Variants in AKAP9 observed in about 807,000 individuals in gnomAD.
AKAP9 encodes A-kinase anchoring protein 9, also known as A-kinase anchor protein 9.
Under a neutral mutation model 488.5 loss-of-function variants are expected in AKAP9, and 311 were observed. The observed-to-expected ratio is 0.64, with a 90% CI of 0.58 to 0.70. The LOEUF (loss-of-function observed/expected upper bound fraction) is 0.70. Among genes scored for constraint, AKAP9 ranks in the 30% least tolerant of loss-of-function variants. The pLI, the probability that AKAP9 is intolerant of heterozygous loss-of-function variation, is 0.00. For missense variants in AKAP9, 4,215 were observed against 4,374.5 expected, an observed-to-expected ratio of 0.96 and a Z score of 1.03; for synonymous variants, 1,462 against 1,483.5, an observed-to-expected ratio of 0.99 and a Z score of 0.33.
chr7:92,012,775 CT>C, intron 9 of AKAP9, 133 bp downstream of exon 9: 1 of 711,346 alleles, frequency 1.4e-6, no homozygotes, highest in South Asian at 1.8e-5. Context: ...GATATAATCA[CT>C]AGACATTCAT....
intron 39 of AKAP9, among the ~76,000 whole-genome samples, chr7:92,094,228 C>T (rs554081399): frequency 5.9e-5 from 9 of 152,094 alleles, no homozygotes; most frequent in African/African-American, 1.9e-4. Flanking sequence ...AGTAATTGTA[C>T]TACTAGAAAC....
chr7:91,979,179 G>A (rs1584679034), intron 2 of AKAP9, among the ~76,000 whole-genome samples: 1 of 152,102 alleles, frequency 6.6e-6, no homozygotes, highest in East Asian at 1.9e-4. Context: ...TTTTCATGCT[G>A]CTGATACAGA....
At chr7:91,974,161 A>G (rs1389354840) in intron 2 of AKAP9, among the ~76,000 whole-genome samples, 193 bp downstream of exon 2, 1 of 152,216 alleles carries the variant, frequency 6.6e-6, no homozygotes. Flanking sequence ...GTTTAATTTA[A>G]TATATGTTGA....
At chr7:92,053,000 C>A in intron 22 of AKAP9, 42 bp downstream of exon 22, 2 of 1,465,948 alleles carry the variant, frequency 1.4e-6, no homozygotes, top group Non-Finnish European at 1.9e-6. Context: ...GTTTGAAGTA[C>A]AATATACTAT....
chr7:91,961,798 C>T (rs955435505), intron 1 of AKAP9, among the ~76,000 whole-genome samples: 16 of 151,594 alleles, frequency 1.1e-4, no homozygotes, highest in Non-Finnish European at 1.9e-4. Context: ...GAGCTGAGAT[C>T]GCGCCACTGC....
chr7:91,982,035 A>C (rs1348292747), intron 3 of AKAP9, among the ~76,000 whole-genome samples: 6 of 152,180 alleles, frequency 3.9e-5, no homozygotes, highest in East Asian at 3.8e-4. Context: ...TTAATATGCT[A>C]GTGGCTGTAG....
At chr7:91,967,261 A>C (rs1246119622) in intron 1 of AKAP9, among the ~76,000 whole-genome samples, 1 of 152,168 alleles carries the variant, frequency 6.6e-6, no homozygotes, top group Non-Finnish European at 1.5e-5. Flanking sequence ...ATTGTATGCA[A>C]ATAAGGCTAA....
intron 3 of AKAP9, 70 bp from the exon 4 acceptor site, chr7:91,992,088 A>G: frequency 2.4e-6 from 3 of 1,276,384 alleles, no homozygotes; most frequent in South Asian, 2.4e-5. Flanking sequence ...AATACAGTTA[A>G]CAGAAATATT....
intron 1 of AKAP9, among the ~76,000 whole-genome samples, chr7:91,958,109 C>T (rs1327541978): frequency 1.3e-5 from 2 of 152,182 alleles, no homozygotes; most frequent in African/African-American, 2.4e-5. Flanking sequence ...CATAAATGAT[C>T]TCTGACAGAT....
Position 92,001,024 on chromosome 7 carries a change from G to T in AKAP9, c.1107G>T (p.Lys369Asn). 6.4e-7 allele frequency: 1 copy of T among 1,574,414 alleles called. No homozygotes were observed. Among genetic ancestry groups the T allele is most frequent in the Non-Finnish European group, 8.6e-7 (1 of 1,161,348 alleles). The change falls in exon 8 of 50, where the codon AAG becomes AAT. Residue 369 changes from lysine (K) to asparagine (N), a missense_variant. Lys to Asn is a moderately conservative substitution (Grantham distance 94). This residue lies in a region of AKAP9 where 2,361 missense variants were observed against 2,430.0 expected (regional missense o/e 0.97). Transcript: ENST00000356239. ...AATTACAAGAACAGATTGTGCAAAA[G>T]AACCAAGAAATAAAAAACATGAAAT... ...LGELQEQIVQ[K>N]NQEIKNMKLE...
At chr7:92,086,478 A>G (rs1261154081) in intron 37 of AKAP9, 62 bp downstream of exon 37, 17 of 1,369,770 alleles carry the variant, frequency 1.2e-5, no homozygotes, top group Non-Finnish European at 1.7e-5. Context: ...TATTGATTTT[A>G]GAGTCTTAAT....
rs1470559616 is a variant in AKAP9, at chr7:91,942,251, G to T, written c.48+1104G>T. ...ACCAGGTTAGTGATTTATTATCAAT[G>T]AAGGGCCATACCGCAGAGATGCAGT... On this transcript the variant is annotated intron_variant, in intron 1 of 49. Coordinates refer to ENST00000356239, the MANE Select transcript of AKAP9 (RefSeq NM_005751.5). Among the ~76,000 whole-genome samples the T allele has an allele frequency of 2.0e-5, 3 of 152,076 alleles. No individual in the cohort carries two copies. In the South Asian group the frequency reaches 6.2e-4, roughly 32 times the overall value.
At chr7:92,045,830 CTT>C (rs35346628) in intron 21 of AKAP9, among the ~76,000 whole-genome samples, 7 of 108,910 alleles carry the variant, frequency 6.4e-5, no homozygotes, top group Non-Finnish European at 9.4e-5. Flanking sequence ...CTTTCCGTTT[CTT>C]TTTTTTTTTT....
At chr7:92,020,659 A>G (rs1802197626) in intron 12 of AKAP9, among the ~76,000 whole-genome samples, 1 of 152,192 alleles carries the variant, frequency 6.6e-6, no homozygotes, top group Non-Finnish European at 1.5e-5. Flanking sequence ...GAATAAGAGA[A>G]TCTTCTGTTT....
At chr7:92,086,647 C>G (rs896363848) in intron 37 of AKAP9, among the ~76,000 whole-genome samples, 2 of 152,142 alleles carry the variant, frequency 1.3e-5, no homozygotes, top group African/African-American at 2.4e-5. Context: ...ACAGAATAAT[C>G]CCAAACAAAT....
At chr7:91,985,542 T>C (rs1033898595) in intron 3 of AKAP9, among the ~76,000 whole-genome samples, 7 of 152,162 alleles carry the variant, frequency 4.6e-5, no homozygotes, top group Non-Finnish European at 1.0e-4. Context: ...ATTTTTGCAT[T>C]CATGTTAATC....
chr7:92,081,253 ATTATT>A (rs1813497786), intron 31 of AKAP9, among the ~76,000 whole-genome samples: 1 of 151,842 alleles, frequency 6.6e-6, no homozygotes. Flanking sequence ...AAAGAAATCT[ATTATT>A]TAATAGCATC....
At chr7:92,027,657 CGCCCCGTCTGGG>C (rs1563008404) in intron 14 of AKAP9, among the ~76,000 whole-genome samples, 4 of 145,122 alleles carry the variant, frequency 2.8e-5, no homozygotes, top group African/African-American at 5.1e-5. Context: ...TCTGCCTGGC[CGCCCCGTCTGGG>C]ATGTGAGGAG....
At chr7:92,029,132 C>A (rs958550886) in intron 14 of AKAP9, among the ~76,000 whole-genome samples, 1 of 149,692 alleles carries the variant, frequency 6.7e-6, no homozygotes, top group Admixed American at 6.6e-5. Context: ...TTTTTTTTCC[C>A]ATGGATCCTA....
Sources: allele counts gnomAD v4.1 joint callset (sites outside exome capture counted in the v4.1 genomes callset), GRCh38; gene constraint gnomAD v4.1.1; regional missense constraint gnomAD v4.1.1; transcripts MANE v1.5; gene names NCBI Gene and HGNC (gene_info 2026-07-23, HGNC 2026-07-21).